METTL25: variants seen among roughly 807,000 people sequenced by gnomAD.
METTL25 encodes methyltransferase like 25.
A neutral mutation model predicts 71.6 loss-of-function variants in METTL25; 64 were observed. The ratio of observed to expected loss-of-function variants is 0.89; its 90% CI spans 0.73 to 1.10. The LOEUF (loss-of-function observed/expected upper bound fraction) is 1.10. Ranked by LOEUF, METTL25 falls within the 50% of genes least tolerant of loss-of-function variation. METTL25 has a pLI of 0.00. For missense variants in METTL25, 807 were observed against 707.0 expected, an observed-to-expected ratio of 1.14 and a Z score of -1.60; for synonymous variants, 287 against 250.3, an observed-to-expected ratio of 1.15 and a Z score of -1.38.
chr12:82,379,644 C>T (rs1884232463), intron 1 of METTL25, among the ~76,000 whole-genome samples: 1 of 152,168 alleles, frequency 6.6e-6, no homozygotes, highest in South Asian at 2.1e-4. Context: ...TACCATATTT[C>T]ACATCAAATT....
intron 8 of METTL25, among the ~76,000 whole-genome samples, chr12:82,454,562 T>A (rs1565878249): frequency 6.6e-6 from 1 of 151,968 alleles, no homozygotes; most frequent in Non-Finnish European, 1.5e-5. Flanking sequence ...ATATAGCAAA[T>A]CACTGCTTAA....
chr12:82,412,204 T>G (rs1415408198), intron 5 of METTL25, among the ~76,000 whole-genome samples: 1 of 152,272 alleles, frequency 6.6e-6, no homozygotes, highest in East Asian at 1.9e-4. Flanking sequence ...CTTTTTCTTT[T>G]TGGTTAGTAT....
chr12:82,456,342 T>C (rs912674583), intron 8 of METTL25, among the ~76,000 whole-genome samples: 1 of 151,958 alleles, frequency 6.6e-6, no homozygotes, highest in Non-Finnish European at 1.5e-5. Flanking sequence ...GCATAGCTGT[T>C]GAATTATTGC....
At chr12:82,431,011 G>A (rs749738873) in intron 6 of METTL25, 24 bp downstream of exon 6, 4 of 1,440,826 alleles carry the variant, frequency 2.8e-6, no homozygotes, top group Non-Finnish European at 9.7e-7. Flanking sequence ...TTTTCCTGGA[G>A]TAACAGCTTT....
chr12:82,419,744 C>T (rs952344037), intron 5 of METTL25, among the ~76,000 whole-genome samples: 2 of 21,800 alleles, frequency 9.2e-5, no homozygotes, highest in African/African-American at 1.5e-4. Context: ...ATAAAGGGAA[C>T]CCTTTTACAC....
At chr12:82,369,347 A>T in intron 1 of METTL25, 1 of 361,482 alleles carries the variant, frequency 2.8e-6, no homozygotes, top group Non-Finnish European at 5.5e-6. Flanking sequence ...AGTAGGTACA[A>T]ATTCAATGTT....
Position 82,362,645 on chromosome 12 carries a change from G to T in METTL25, c.259+3821G>T, listed in dbSNP as rs112011013. Among the ~76,000 whole-genome samples, 169 of 152,290 alleles carry T rather than the reference G, an allele frequency of 1.1e-3. 2 individuals carry two copies. Among genetic ancestry groups the T allele is most frequent in the African/African-American group, 4.0e-3 (165 of 41,556 alleles). ...TTGGCTTTTATTCTGAGTGAAATGC[G>T]AAGCTCTTTGAGAATTTTGTGTGGT... On this transcript the variant is annotated intron_variant, in intron 1 of 11. Coordinates refer to ENST00000248306, the MANE Select transcript of METTL25 (RefSeq NM_032230.3).
intron 1 of METTL25, among the ~76,000 whole-genome samples, chr12:82,360,007 A>G (rs995605283): frequency 1.3e-5 from 2 of 152,220 alleles, no homozygotes; most frequent in Non-Finnish European, 2.9e-5. Flanking sequence ...ATTTTACTTA[A>G]ACTCCAAAAG....
chr12:82,391,810 T>C (rs906049120), intron 3 of METTL25, among the ~76,000 whole-genome samples: 48 of 151,360 alleles, frequency 3.2e-4, no homozygotes, highest in African/African-American at 1.2e-3. Flanking sequence ...GAAGAACCTC[T>C]ATACTGTTTT....
chr12:82,438,658 A>C, intron 7 of METTL25, 60 bp from the exon 8 acceptor site: 1 of 1,058,166 alleles, frequency 9.5e-7, no homozygotes, highest in Non-Finnish European at 1.3e-6. Context: ...ACATTCTGGT[A>C]TTTATTTTAT....
chr12:82,364,264 A>AC (rs1399902155), intron 1 of METTL25, among the ~76,000 whole-genome samples: 1 of 152,194 alleles, frequency 6.6e-6, no homozygotes, highest in Non-Finnish European at 1.5e-5. Context: ...TATCTCATTC[A>AC]CATAGGTGGC....
rs527681441 is a variant in METTL25 at position 82,389,693 on chromosome 12, A to G, written c.425-123A>G. Reference sequence around the variant, plus strand: ...TGGCTAAGCTAGTAGAGATCTATCCAGAAACCACAGTAGAATCTCTGTATT... The same window carrying G: ...TGGCTAAGCTAGTAGAGATCTATCCGGAAACCACAGTAGAATCTCTGTATT... On this transcript the variant is annotated intron_variant, in intron 2 of 11. Transcript: ENST00000248306. 6.9e-6 allele frequency: 4 copies of G among 579,342 alleles called. No homozygotes were observed. In the East Asian group the frequency reaches 1.2e-4, roughly 18 times the overall value. 35.9% of individuals were successfully genotyped at this position (579,342 alleles called of 1,614,324 possible).
At chr12:82,439,700 A>G (rs1890179853) in intron 8 of METTL25, among the ~76,000 whole-genome samples, 1 of 151,724 alleles carries the variant, frequency 6.6e-6, no homozygotes, top group Non-Finnish European at 1.5e-5. Context: ...CAAATCATCA[A>G]AATGTCTAAA....
chr12:82,372,304 G>A (rs1205824744), intron 1 of METTL25, among the ~76,000 whole-genome samples: 3 of 152,072 alleles, frequency 2.0e-5, no homozygotes, highest in South Asian at 2.1e-4. Flanking sequence ...GGGACATAAC[G>A]AATAGCCTGG....
intron 4 of METTL25, among the ~76,000 whole-genome samples, chr12:82,402,206 T>G (rs931813946): frequency 6.6e-6 from 1 of 152,044 alleles, no homozygotes; most frequent in Admixed American, 6.6e-5. Context: ...TAATTAAATT[T>G]TATATTGTCA....
intron 6 of METTL25, among the ~76,000 whole-genome samples, chr12:82,432,441 AAG>A (rs1279580766): frequency 4.0e-5 from 6 of 151,742 alleles, no homozygotes; most frequent in African/African-American, 1.4e-4. Context: ...TTGACAAAAA[AAG>A]AGAGAGATTA....
At chr12:82,452,692 T>C in intron 8 of METTL25, among the ~76,000 whole-genome samples, 1 of 152,188 alleles carries the variant, frequency 6.6e-6, no homozygotes, top group South Asian at 2.1e-4. Context: ...CTTCTAGAAA[T>C]TGGTCTCATA....
intron 9 of METTL25, among the ~76,000 whole-genome samples, chr12:82,467,839 T>G (rs1457005872): frequency 6.6e-6 from 1 of 152,134 alleles, no homozygotes; most frequent in Non-Finnish European, 1.5e-5. Flanking sequence ...TGCCAAGACT[T>G]GGGAAGTTTT....
At chr12:82,424,036 GTATA>G (rs753323922) in intron 5 of METTL25, among the ~76,000 whole-genome samples, 1 of 152,080 alleles carries the variant, frequency 6.6e-6, no homozygotes, top group Non-Finnish European at 1.5e-5. Context: ...CCATTACTGG[GTATA>G]TACCCAAAGG....
Sources: allele counts gnomAD v4.1 joint callset (sites outside exome capture counted in the v4.1 genomes callset), GRCh38; gene constraint gnomAD v4.1.1; transcripts MANE v1.5; gene names NCBI Gene and HGNC (gene_info 2026-07-23, HGNC 2026-07-21).